The following SNTG1 variants were observed in gnomAD, a reference collection of about 807,000 sequenced individuals.
SNTG1 encodes the protein syntrophin gamma 1.
In SNTG1, 39 loss-of-function variants were observed where a neutral mutation model predicts 74.7. That is an observed-to-expected ratio of 0.52 (90% confidence interval 0.40 to 0.68). SNTG1 has a LOEUF of 0.68. Ranked by LOEUF, SNTG1 falls within the 30% of genes least tolerant of loss-of-function variation. SNTG1 has a pLI of 0.00. For synonymous variants in SNTG1, 254 were observed against 217.1 expected, an observed-to-expected ratio of 1.17 and a Z score of -1.49; for missense variants, 685 against 609.5, an observed-to-expected ratio of 1.12 and a Z score of -1.30.
intron 1 of SNTG1, among the ~76,000 whole-genome samples, chr8:49,973,379 G>A (rs1265297129): frequency 6.6e-6 from 1 of 151,998 alleles, no homozygotes; most frequent in Non-Finnish European, 1.5e-5. Context: ...GGGGGGAAGG[G>A]GGAGGGGTAG....
chr8:50,163,622 C>T (rs1317540985), intron 1 of SNTG1: 1 of 151,736 alleles, frequency 6.6e-6, no homozygotes, highest in Non-Finnish European at 1.5e-5. Flanking sequence ...GACTATGGGA[C>T]TACAGGCGCC....
chr8:50,705,523 AC>A (rs1375544924), intron 16 of SNTG1, among the ~76,000 whole-genome samples: 3 of 152,140 alleles, frequency 2.0e-5, no homozygotes, highest in Non-Finnish European at 4.4e-5. Flanking sequence ...TGTGTTTTCT[AC>A]TTATTTATAG....
chr8:50,227,714 T>C (rs1586766710), intron 2 of SNTG1, among the ~76,000 whole-genome samples: 1 of 150,770 alleles, frequency 6.6e-6, no homozygotes, highest in Non-Finnish European at 1.5e-5. Context: ...AGACAAGTCA[T>C]CGGAGAAGCC....
Position 50,636,790 on chromosome 8 carries a change from A to G in SNTG1, c.850-20119A>G, listed in dbSNP as rs147771471. ...AAGGTCCTTTTTTAATGTAGTTATT[A>G]AATTTGGTGTTCCTGTGGGAGGGCA... On this transcript the variant is annotated intron_variant, in intron 13 of 18. Transcript: ENST00000642720. Among the ~76,000 whole-genome samples, 240 of 152,264 alleles carry G rather than the reference A, an allele frequency of 1.6e-3. 1 individual carries two copies. The highest frequency in any genetic ancestry group is 5.5e-3 in the African/African-American group (227 of 41,542).
chr8:50,415,536 A>G (rs1205915427), intron 4 of SNTG1, among the ~76,000 whole-genome samples: 2 of 152,154 alleles, frequency 1.3e-5, no homozygotes, highest in African/African-American at 4.8e-5. Flanking sequence ...TATATTTGAA[A>G]TATACTCTTC....
upstream of SNTG1, chr8:49,911,272 G>C (rs1427851782): frequency 6.6e-6 from 1 of 152,054 alleles, no homozygotes; most frequent in Non-Finnish European, 1.5e-5. Context: ...TGTAATTAAA[G>C]ATCCACGAGC....
chr8:50,301,408 CT>C (rs2089638323), intron 2 of SNTG1, among the ~76,000 whole-genome samples: 1 of 151,958 alleles, frequency 6.6e-6, no homozygotes, highest in Non-Finnish European at 1.5e-5. Context: ...AGAATTTCAA[CT>C]TCTTTTTTAT....
At chr8:50,498,275 T>A (rs1198430738) in intron 8 of SNTG1, among the ~76,000 whole-genome samples, 2 of 151,888 alleles carry the variant, frequency 1.3e-5, no homozygotes, top group Non-Finnish European at 2.9e-5. Context: ...ACACTTAGTA[T>A]GTGAGACATA....
intron 2 of SNTG1, among the ~76,000 whole-genome samples, chr8:50,338,108 T>A (rs563722579): frequency 1.3e-5 from 2 of 151,654 alleles, no homozygotes; most frequent in Non-Finnish European, 2.9e-5. Context: ...CACTCCAGAC[T>A]GGGCGACAGA....
chr8:50,371,305 A>G (rs540632102), intron 2 of SNTG1, among the ~76,000 whole-genome samples: 1 of 152,186 alleles, frequency 6.6e-6, no homozygotes, highest in Non-Finnish European at 1.5e-5. Flanking sequence ...GTACTCCATC[A>G]TCCAATAAAT....
At chr8:50,314,975 G>C (rs1472798863) in intron 2 of SNTG1, among the ~76,000 whole-genome samples, 1 of 149,446 alleles carries the variant, frequency 6.7e-6, no homozygotes, top group Non-Finnish European at 1.5e-5. Flanking sequence ...TCTAACTATA[G>C]TGTTTTGATA....
chr8:50,485,568 T>G (rs2093784688), intron 8 of SNTG1, among the ~76,000 whole-genome samples: 2 of 151,038 alleles, frequency 1.3e-5, no homozygotes, highest in African/African-American at 4.9e-5. Context: ...TTCTGGATAT[T>G]AGCCCTTTGT....
At chr8:50,667,186 C>T (rs2095254819) in intron 15 of SNTG1, among the ~76,000 whole-genome samples, 1 of 151,808 alleles carries the variant, frequency 6.6e-6, no homozygotes, top group Non-Finnish European at 1.5e-5. Flanking sequence ...TTGGGAGAGA[C>T]CAAAATATTT....
At chr8:50,526,194 T>G (rs559058317) in intron 9 of SNTG1, among the ~76,000 whole-genome samples, 1 of 152,276 alleles carries the variant, frequency 6.6e-6, no homozygotes, top group Non-Finnish European at 1.5e-5. Context: ...TCTCTGAGCC[T>G]CAGGCATCCA....
At chr8:50,175,530 C>G (rs1431698837) in intron 2 of SNTG1, among the ~76,000 whole-genome samples, 4 of 152,210 alleles carry the variant, frequency 2.6e-5, no homozygotes, top group Non-Finnish European at 4.4e-5. Flanking sequence ...AGTGGCCAAG[C>G]TGTTGCTGTG....
chr8:50,251,788 G>A (rs961591862), intron 2 of SNTG1, among the ~76,000 whole-genome samples: 6 of 152,080 alleles, frequency 3.9e-5, no homozygotes, highest in Admixed American at 2.0e-4. Flanking sequence ...CACATTTTCA[G>A]CAATAAACAG....
At chr8:50,564,240 G>A (rs1257640826) in intron 12 of SNTG1, among the ~76,000 whole-genome samples, 1 of 151,832 alleles carries the variant, frequency 6.6e-6, no homozygotes, top group African/African-American at 2.4e-5. Flanking sequence ...AATAAGTAGA[G>A]TGATAATATA....
intron 1 of SNTG1, among the ~76,000 whole-genome samples, chr8:49,983,755 A>C (rs533717540): frequency 6.6e-6 from 1 of 152,364 alleles, no homozygotes; most frequent in African/African-American, 2.4e-5. Context: ...AAAGGTTTGC[A>C]GAACAGTGGT....
At chr8:50,720,144 A>G (rs1254965217) in intron 17 of SNTG1, among the ~76,000 whole-genome samples, 2 of 152,194 alleles carry the variant, frequency 1.3e-5, no homozygotes, top group Non-Finnish European at 2.9e-5. Flanking sequence ...CGACATTTCA[A>G]AAGTGTGTTC....
Sources: allele counts gnomAD v4.1 joint callset (sites outside exome capture counted in the v4.1 genomes callset), GRCh38; gene constraint gnomAD v4.1.1; transcripts MANE v1.5; gene names NCBI Gene and HGNC (gene_info 2026-07-23, HGNC 2026-07-21).